Variants in CD8B2 observed in about 807,000 individuals in gnomAD.
CD8B2 encodes the protein T-cell surface glycoprotein CD8 beta-2 chain.
CD8B2 carries 11 observed loss-of-function variants against 23.7 expected under a neutral mutation model. The ratio of observed to expected loss-of-function variants is 0.46; its 90% CI spans 0.29 to 0.77. The LOEUF is 0.77. Among genes scored for constraint, CD8B2 ranks in the 30% least tolerant of loss-of-function variants. CD8B2 has a pLI of 0.09. For missense variants in CD8B2, 197 were observed against 270.5 expected, an observed-to-expected ratio of 0.73 and a Z score of 1.91; for synonymous variants, 90 against 109.3, an observed-to-expected ratio of 0.82 and a Z score of 1.10.
At chr2:106,493,711 G>A (rs1192141907) in intron 2 of CD8B2, among the ~76,000 whole-genome samples, 2 of 152,162 alleles carry the variant, frequency 1.3e-5, no homozygotes, top group African/African-American at 4.8e-5. Flanking sequence ...TCAACTTTTT[G>A]TCAGAAAATC....
At chr2:106,496,416 G>C (rs1400491213) in intron 3 of CD8B2, among the ~76,000 whole-genome samples, 154 bp downstream of exon 3, 1 of 151,584 alleles carries the variant, frequency 6.6e-6, no homozygotes, top group Non-Finnish European at 1.5e-5. Flanking sequence ...TGCTGAGTGT[G>C]ATAGCAACTC....
At chr2:106,490,377 T>C (rs975735068) in intron 1 of CD8B2, among the ~76,000 whole-genome samples, 20 of 152,118 alleles carry the variant, frequency 1.3e-4, no homozygotes, top group Non-Finnish European at 1.5e-5. Context: ...AAATCCTGGA[T>C]CTATCCTTTT....
intron 5 of CD8B2, among the ~76,000 whole-genome samples, chr2:106,533,075 G>A (rs1272980276): frequency 6.6e-6 from 1 of 152,180 alleles, no homozygotes; most frequent in South Asian, 2.1e-4. Context: ...ATGAGAAAAA[G>A]GATGGGAGGG....
chr2:106,493,520 C>T (rs1012531035), intron 2 of CD8B2, among the ~76,000 whole-genome samples: 334 of 140,114 alleles, frequency 2.4e-3, no homozygotes, highest in Non-Finnish European at 4.4e-3. Flanking sequence ...GTCCCTGCTT[C>T]CTCGGGTAGA....
chr2:106,494,631 C>T (rs568998656), intron 2 of CD8B2, among the ~76,000 whole-genome samples: 4 of 152,092 alleles, frequency 2.6e-5, no homozygotes, highest in East Asian at 1.9e-4. Context: ...CCCTTCATCC[C>T]CAGTAGGCAT....
At position 106,518,269 on chromosome 2, in the gene CD8B2, G is replaced by A. The variant is rs565160972; in HGVS notation, c.620+13944G>A. On this transcript the variant is annotated intron_variant, in intron 5 of 5. Transcript: ENST00000416057. The stretch of plus-strand genomic sequence containing the variant: ...GAGGAAAGAAAAGAGGATTAATTAC[G>A]GCAGCTTTGATAGGAGGACATTATT... 3.0e-3 allele frequency among the ~76,000 whole-genome samples: 450 copies of A among 152,238 alleles called. 3 individuals are homozygous for A. The highest frequency in any genetic ancestry group is 0.01 in the African/African-American group (433 of 41,540).
At chr2:106,515,791 C>T (rs986576757), downstream of CD8B2, among the ~76,000 whole-genome samples, 2 of 151,762 alleles carry the variant, frequency 1.3e-5, no homozygotes, top group East Asian at 3.9e-4. Flanking sequence ...AACACATCTC[C>T]TTCCAGAATT....
At chr2:106,513,694 A>G (rs971484576), downstream of CD8B2, among the ~76,000 whole-genome samples, 14 of 152,038 alleles carry the variant, frequency 9.2e-5, 1 homozygote, top group Middle Eastern at 0.01. Context: ...CAGACCAGGC[A>G]AAAGGGAGGC....
chr2:106,523,508 G>T lies in CD8B2; in HGVS notation c.620+19183G>T, dbSNP rs185644377. On this transcript the variant is annotated intron_variant, in intron 5 of 5. Coordinates refer to the CD8B2 transcript ENST00000416057. ...GATGTGCCCTGACTGGAGGCTGTCG[G>T]TCTGGGGTAGCTGCAGATGGCTAAC... Among the ~76,000 whole-genome samples, 16 of 152,284 alleles carry T rather than the reference G, an allele frequency of 1.1e-4. No individual in the cohort carries two copies. The East Asian group carries it at 2.9e-3, about 28-fold the overall frequency.
chr2:106,493,141 C>T (rs1679225706), intron 2 of CD8B2, among the ~76,000 whole-genome samples: 1 of 152,192 alleles, frequency 6.6e-6, no homozygotes, highest in African/African-American at 2.4e-5. Context: ...GCAGCCAAAC[C>T]TGCTTCTCCC....
intron 1 of CD8B2, among the ~76,000 whole-genome samples, chr2:106,487,989 G>A (rs916155695): frequency 6.6e-5 from 10 of 152,174 alleles, no homozygotes; most frequent in African/African-American, 2.2e-4. Flanking sequence ...TGTGGCTGGT[G>A]TTGGGTGTCA....
chr2:106,516,366 G>A (rs938611080), intron 5 of CD8B2, among the ~76,000 whole-genome samples: 1 of 152,154 alleles, frequency 6.6e-6, no homozygotes, highest in Non-Finnish European at 1.5e-5. Context: ...GGGTTTCCGA[G>A]GACATGACAT....
intron 5 of CD8B2, among the ~76,000 whole-genome samples, chr2:106,516,390 C>T (rs1679730171): frequency 6.6e-6 from 1 of 152,158 alleles, no homozygotes; most frequent in African/African-American, 2.4e-5. Flanking sequence ...CAGGCCTAAG[C>T]TGACCCGATA....
chr2:106,537,432 AACGCC>A (rs764859417), intron 5 of CD8B2, among the ~76,000 whole-genome samples: 1 of 152,152 alleles, frequency 6.6e-6, no homozygotes, highest in African/African-American at 2.4e-5. Flanking sequence ...ATTATGGTTC[AACGCC>A]ACCAAGACAC....
At chr2:106,490,147 C>G (rs1013562511) in intron 1 of CD8B2, among the ~76,000 whole-genome samples, 1 of 151,976 alleles carries the variant, frequency 6.6e-6, no homozygotes, top group Non-Finnish European at 1.5e-5. Flanking sequence ...TGCTGTGATT[C>G]TGGGCTCCTC....
Position 106,516,829 on chromosome 2 carries a change from A to T in CD8B2, c.620+12504A>T, listed in dbSNP as rs561551321. On this transcript the variant is annotated intron_variant, in intron 5 of 5. Transcript: ENST00000416057. Reference sequence around the variant, plus strand: ...ACTGGAACCTAAACATTTCAATTCTAAATGATCTTTCATTACCAGGCTTTT... The same window carrying T: ...ACTGGAACCTAAACATTTCAATTCTTAATGATCTTTCATTACCAGGCTTTT... Among the ~76,000 whole-genome samples the T allele has an allele frequency of 2.0e-5, 3 of 151,732 alleles. No homozygotes were observed. In the East Asian group the frequency reaches 5.8e-4, roughly 29 times the overall value.
intron 5 of CD8B2, among the ~76,000 whole-genome samples, chr2:106,536,281 C>T (rs971298144): frequency 6.6e-6 from 1 of 152,288 alleles, no homozygotes; most frequent in East Asian, 1.9e-4. Context: ...ATCCGCCTGC[C>T]TTGGCCTCCC....
chr2:106,536,773 G>T (rs926462577), intron 5 of CD8B2, among the ~76,000 whole-genome samples: 12 of 152,190 alleles, frequency 7.9e-5, no homozygotes, highest in Admixed American at 3.3e-4. Context: ...TCATCAATGT[G>T]TTCAATGGTG....
chr2:106,506,794 C>A, intron 5 of CD8B2, 134 bp from the exon 6 acceptor site: 1 of 1,208,720 alleles, frequency 8.3e-7, no homozygotes, highest in East Asian at 2.6e-5. Flanking sequence ...TAGAAACATA[C>A]TAACAAAAAA....
Sources: allele counts gnomAD v4.1 joint callset (sites outside exome capture counted in the v4.1 genomes callset), GRCh38; gene constraint gnomAD v4.1.1; transcripts MANE v1.5; gene names NCBI Gene and HGNC (gene_info 2026-07-23, HGNC 2026-07-21).